GBE1: variants seen among roughly 807,000 people sequenced by gnomAD.
GBE1 encodes 1,4-alpha-glucan branching enzyme 1.
A neutral mutation model predicts 88.8 loss-of-function variants in GBE1; 70 were observed. That is an observed-to-expected ratio of 0.79 (90% CI 0.65 to 0.96). The LOEUF (loss-of-function observed/expected upper bound fraction) is 0.96, where lower values mean the gene tolerates loss of function less well. GBE1 is among the 40% of genes least tolerant of loss of function. GBE1 has a pLI of 0.00. For missense variants in GBE1, 872 were observed against 871.0 expected, an observed-to-expected ratio of 1.00 and a Z score of -0.01; for synonymous variants, 284 against 300.1, an observed-to-expected ratio of 0.95 and a Z score of 0.56.
intron 5 of GBE1, among the ~76,000 whole-genome samples, chr3:81,647,460 C>G (rs1281261697): frequency 6.6e-6 from 1 of 151,690 alleles, no homozygotes; most frequent in Non-Finnish European, 1.5e-5. Flanking sequence ...TTTAAAAATC[C>G]GTAACATTAA....
chr3:81,497,337 G>A (rs952356644), intron 15 of GBE1, among the ~76,000 whole-genome samples: 2 of 152,032 alleles, frequency 1.3e-5, no homozygotes, highest in Admixed American at 6.6e-5. Flanking sequence ...ATGTTTAAAC[G>A]ACTGAACAAT....
At chr3:81,569,238 A>T (rs1231972511) in intron 12 of GBE1, among the ~76,000 whole-genome samples, 6 of 151,594 alleles carry the variant, frequency 4.0e-5, no homozygotes, top group South Asian at 2.1e-4. Context: ...TAGGGGAATT[A>T]AAAAAACTAA....
intron 1 of GBE1, among the ~76,000 whole-genome samples, chr3:81,745,405 G>T (rs1161829210): frequency 6.6e-6 from 1 of 152,144 alleles, no homozygotes; most frequent in South Asian, 2.1e-4. Context: ...TTGAACAGAG[G>T]TATGGGACTA....
intron 2 of GBE1, among the ~76,000 whole-genome samples, chr3:81,695,965 T>C (rs901933796): frequency 6.6e-6 from 1 of 152,192 alleles, no homozygotes; most frequent in Admixed American, 6.5e-5. Flanking sequence ...ATAATTAAAA[T>C]GAATACTTTC....
chr3:81,568,822 A>G lies in GBE1; in HGVS notation c.1618+9103T>C, dbSNP rs115530144. 3.5e-3 allele frequency among the ~76,000 whole-genome samples: 526 copies of G among 152,288 alleles called. 3 individuals carry two copies. Among genetic ancestry groups the G allele is most frequent in the Middle Eastern group, 0.02 (6 of 294 alleles). ...TGTGCATGTGAGTATATGTGAAGAC[A>G]TATATATGTATGTGTGTGTATATAT... On this transcript the variant is annotated intron_variant, in intron 12 of 15. Transcript: ENST00000429644.
intron 1 of GBE1, among the ~76,000 whole-genome samples, chr3:81,711,016 T>G (rs1217425604): frequency 6.6e-6 from 1 of 152,152 alleles, no homozygotes; most frequent in Non-Finnish European, 1.5e-5. Flanking sequence ...TACTAGGCGA[T>G]AGGTATGAAA....
At chr3:81,554,465 A>G (rs909420886) in intron 12 of GBE1, among the ~76,000 whole-genome samples, 24 of 152,190 alleles carry the variant, frequency 1.6e-4, no homozygotes, top group African/African-American at 5.8e-4. Flanking sequence ...TTTAGACTCA[A>G]AAGTTTAGTA....
At position 81,720,271 on chromosome 3, in the gene GBE1, T is replaced by C. The variant is rs180967115; in HGVS notation, c.144-14658A>G. 1.6e-4 allele frequency among the ~76,000 whole-genome samples: 25 copies of C among 151,840 alleles called. No homozygotes were observed. The East Asian group carries it at 4.1e-3, about 25-fold the overall frequency. ...TTCAAGCCTTATATCTATATCTATC[T>C]ATCTACATATATATCACATTGTATA... On this transcript the variant is annotated intron_variant, in intron 1 of 15. Coordinates refer to ENST00000429644, the MANE Select transcript of GBE1 (RefSeq NM_000158.4).
chr3:81,668,604 G>A (rs912036520), intron 3 of GBE1, among the ~76,000 whole-genome samples: 2 of 152,062 alleles, frequency 1.3e-5, no homozygotes, highest in African/African-American at 2.4e-5. Flanking sequence ...CAAAAAAATC[G>A]ATGAGCTGTT....
intron 1 of GBE1, 75 bp downstream of exon 1, chr3:81,761,300 G>T: frequency 3.3e-6 from 5 of 1,516,258 alleles, no homozygotes; most frequent in Non-Finnish European, 4.4e-6. Flanking sequence ...GGGCCGAGGG[G>T]CGGCCCGTGT....
rs1191641707 is a variant in GBE1, at chr3:81,681,443, C to A, written c.314-10490G>T. Reference sequence around the variant, plus strand: ...TCTCCTCTATACCCTAAAACACAATCTTCTATCTTAAGATATCCCACCTGA... The same window carrying A: ...TCTCCTCTATACCCTAAAACACAATATTCTATCTTAAGATATCCCACCTGA... On this transcript the variant is annotated intron_variant, in intron 2 of 15. Coordinates refer to ENST00000429644, the MANE Select transcript of GBE1 (RefSeq NM_000158.4). Among the ~76,000 whole-genome samples, 3 of 152,208 alleles carry A rather than the reference C, an allele frequency of 2.0e-5. No homozygotes were observed. The East Asian group carries it at 5.8e-4, about 29-fold the overall frequency.
chr3:81,515,756 A>G (rs888834093), intron 14 of GBE1, among the ~76,000 whole-genome samples: 1 of 151,614 alleles, frequency 6.6e-6, no homozygotes, highest in Non-Finnish European at 1.5e-5. Flanking sequence ...ACTCTAGTGA[A>G]CGCATGAGTG....
chr3:81,584,245 AC>A (rs1172871110), intron 10 of GBE1, among the ~76,000 whole-genome samples: 9 of 152,114 alleles, frequency 5.9e-5, no homozygotes, highest in African/African-American at 2.2e-4. Context: ...AGGAAATGAT[AC>A]ATAATTTGCT....
intron 14 of GBE1, among the ~76,000 whole-genome samples, chr3:81,513,939 C>T (rs1702759809): frequency 6.6e-6 from 1 of 151,606 alleles, no homozygotes; most frequent in South Asian, 2.1e-4. Flanking sequence ...TCAAGCTAAC[C>T]ACTATCCTTG....
chr3:81,552,922 A>G (rs1190892036), intron 12 of GBE1, among the ~76,000 whole-genome samples: 1 of 152,222 alleles, frequency 6.6e-6, no homozygotes, highest in Non-Finnish European at 1.5e-5. Context: ...GGGAGGGAAC[A>G]TTATTTCTGT....
At chr3:81,593,338 C>T (rs1703906938) in intron 8 of GBE1, among the ~76,000 whole-genome samples, 1 of 149,620 alleles carries the variant, frequency 6.7e-6, no homozygotes, top group African/African-American at 2.5e-5. Context: ...GCGCTCCAGC[C>T]TGGGCAACAG....
At chr3:81,545,812 C>T (rs1014809448) in intron 12 of GBE1, among the ~76,000 whole-genome samples, 2 of 152,046 alleles carry the variant, frequency 1.3e-5, no homozygotes, top group East Asian at 1.9e-4. Context: ...AATCTTGTGA[C>T]GTCCTCCTGC....
At chr3:81,499,286 G>C in intron 14 of GBE1, 59 bp from the exon 15 acceptor site, 4 of 982,486 alleles carry the variant, frequency 4.1e-6, no homozygotes, top group Non-Finnish European at 6.4e-6. Flanking sequence ...TGTAAAATAC[G>C]TGCTGAGAGA....
intron 7 of GBE1, chr3:81,612,214 C>T (rs1704190511): frequency 3.0e-6 from 1 of 335,210 alleles, no homozygotes; most frequent in Admixed American, 5.7e-5. Flanking sequence ...TAAATCCACG[C>T]TCCTTTAAAA....
Sources: allele counts gnomAD v4.1 joint callset (sites outside exome capture counted in the v4.1 genomes callset), GRCh38; gene constraint gnomAD v4.1.1; transcripts MANE v1.5; gene names NCBI Gene and HGNC (gene_info 2026-07-23, HGNC 2026-07-21).